Variants in ANAPC4 observed in about 807,000 individuals in gnomAD.
ANAPC4 encodes anaphase-promoting complex subunit 4.
Under a neutral mutation model 119.8 loss-of-function variants are expected in ANAPC4, and 63 were observed. The ratio of observed to expected loss-of-function variants is 0.53; its 90% CI spans 0.43 to 0.65. The LOEUF is 0.65. ANAPC4 is among the 30% of genes least tolerant of loss of function. The probability of loss-of-function intolerance (pLI) is 0.00; values close to 1 mark genes in which losing one functional copy is unlikely to be tolerated. For synonymous variants in ANAPC4, 283 were observed against 318.6 expected, an observed-to-expected ratio of 0.89 and a Z score of 1.19; for missense variants, 716 against 945.1, an observed-to-expected ratio of 0.76 and a Z score of 3.18.
chr4:25,400,124 TGAG>T (rs925369669), intron 16 of ANAPC4, among the ~76,000 whole-genome samples: 2 of 152,158 alleles, frequency 1.3e-5, no homozygotes, highest in South Asian at 2.1e-4. Flanking sequence ...TATAGCCTCT[TGAG>T]GAGTTTTGCT....
chr4:25,389,515 A>T (rs1395909526), intron 7 of ANAPC4, among the ~76,000 whole-genome samples: 1 of 151,044 alleles, frequency 6.6e-6, no homozygotes, highest in African/African-American at 2.4e-5. Flanking sequence ...CTGGTCTCAG[A>T]CTCCCAACCT....
rs1007004011 is a variant in ANAPC4, at chr4:25,394,924, A to G, written c.1061+19A>G. 6.3e-7 allele frequency: 1 copy of G among 1,594,534 alleles called. No homozygotes were observed. Among genetic ancestry groups the G allele is most frequent in the Non-Finnish European group, 8.6e-7 (1 of 1,166,826 alleles). ...TACAGAGGTATGAAGGTGACGTAGA[A>G]TTTTTTGGTATTGTATCCACACATA... On this transcript the variant is annotated intron_variant, in intron 14 of 28. Transcript: ENST00000315368.
intron 2 of ANAPC4, among the ~76,000 whole-genome samples, chr4:25,378,814 G>A (rs1288909080): frequency 2.0e-5 from 3 of 152,220 alleles, no homozygotes; most frequent in Non-Finnish European, 4.4e-5. Context: ...AAGGTTGTAT[G>A]TGTCTCTCTC....
At chr4:25,392,979 A>T (rs530779908) in intron 10 of ANAPC4, among the ~76,000 whole-genome samples, 1 of 152,232 alleles carries the variant, frequency 6.6e-6, no homozygotes, top group African/African-American at 2.4e-5. Flanking sequence ...GTGTACAAAG[A>T]CTTTTGAGGC....
chr4:25,393,774 T>A, intron 10 of ANAPC4, 31 bp from the exon 11 acceptor site: 1 of 1,437,606 alleles, frequency 7.0e-7, no homozygotes, highest in Non-Finnish European at 9.6e-7. Flanking sequence ...AAATATTTTT[T>A]ACCATTTCAA....
intron 4 of ANAPC4, among the ~76,000 whole-genome samples, chr4:25,384,799 C>CAAA (rs149002549): frequency 1.4e-5 from 2 of 141,466 alleles, no homozygotes; most frequent in Admixed American, 7.0e-5. Flanking sequence ...TGACCTGTCT[C>CAAA]AAAAAAAAAA....
At chr4:25,403,982 A>G (rs774509333) in intron 17 of ANAPC4, among the ~76,000 whole-genome samples, 6 of 152,202 alleles carry the variant, frequency 3.9e-5, no homozygotes, top group Non-Finnish European at 7.3e-5. Flanking sequence ...TGAACTCTCA[A>G]TATCCTTAAA....
chr4:25,390,246 TC>T, intron 8 of ANAPC4, 26 bp downstream of exon 8: 1 of 1,532,086 alleles, frequency 6.5e-7, no homozygotes, highest in African/African-American at 1.4e-5. Flanking sequence ...CATTTTCTCT[TC>T]CTAAATTATT....
intron 16 of ANAPC4, among the ~76,000 whole-genome samples, chr4:25,399,084 A>T (rs567621887): frequency 6.6e-6 from 1 of 151,126 alleles, no homozygotes; most frequent in African/African-American, 2.4e-5. Context: ...TAAAAATATT[A>T]TACTGTATTT....
At chr4:25,384,715 T>A (rs968403776) in intron 4 of ANAPC4, among the ~76,000 whole-genome samples, 1 of 151,150 alleles carries the variant, frequency 6.6e-6, no homozygotes, top group African/African-American at 2.4e-5. Context: ...GGTGGGAGGA[T>A]CACCTGACCC....
At position 25,388,567 on chromosome 4, in the gene ANAPC4, C is replaced by A; in HGVS notation, c.436C>A (p.Pro146Thr). 1 of 1,601,018 alleles carries A rather than the reference C, an allele frequency of 6.2e-7. No homozygotes were observed. The highest frequency in any genetic ancestry group is 8.6e-7 in the Non-Finnish European group (1 of 1,169,454). The part of the protein sequence containing the change: ...NLLLPKLPTL[P>T]KNYSNTSKIF... ...TCTCTTACCTAAACTACCTACACTG[C>A]CAAAAAAGTATGTATCACTGGTTTC... Residue 146 changes from proline to threonine, a missense_variant, in exon 5 of 29, where the codon CCA becomes ACA. Coordinates refer to ENST00000315368, the MANE Select transcript of ANAPC4 (RefSeq NM_013367.3).
intron 25 of ANAPC4, 36 bp from the exon 26 acceptor site, chr4:25,415,430 C>G (rs1157052391): frequency 6.5e-7 from 1 of 1,540,130 alleles, no homozygotes; most frequent in Non-Finnish European, 9.0e-7. Flanking sequence ...CAGGTTGTTC[C>G]ACAGAGTCTC....
intron 2 of ANAPC4, among the ~76,000 whole-genome samples, chr4:25,378,583 C>G (rs781030817): frequency 1.3e-5 from 2 of 152,074 alleles, no homozygotes; most frequent in African/African-American, 4.8e-5. Flanking sequence ...GATGGGTAGG[C>G]GTGATAGAGG....
chr4:25,407,145 A>C, intron 19 of ANAPC4, 52 bp from the exon 20 acceptor site: 16 of 1,476,866 alleles, frequency 1.1e-5, no homozygotes, highest in Non-Finnish European at 1.5e-5. Context: ...AATTTAAGAT[A>C]TTTTTCTTCG....
intron 27 of ANAPC4, chr4:25,417,276 C>A (rs180852534): frequency 6.3e-6 from 1 of 158,658 alleles, no homozygotes; most frequent in East Asian, 1.8e-4. Context: ...GCATGTGCCA[C>A]CTTGCCTGAC....
Position 25,406,830 on chromosome 4 carries a change from T to C in ANAPC4, c.1319T>C (p.Met440Thr). Residue 440 changes from methionine to threonine, a missense_variant and splice_region_variant, in exon 19 of 29, where the codon ATG (methionine) becomes ACG (threonine). This residue lies in a region of ANAPC4 where 504 missense variants were observed against 615.8 expected (regional missense o/e 0.82). Coordinates refer to ENST00000315368, the MANE Select transcript of ANAPC4 (RefSeq NM_013367.3). ...TCTTTTTGTTCCTTTTGTTGATAGA[T>C]GACTCAGAAAGATATCACATTTGTT... ...EDHVLPELNK[M>T]TQKDITFVAE... 1 of 1,599,300 alleles carries C rather than the reference T, an allele frequency of 6.3e-7. No individual in the cohort carries two copies. Among genetic ancestry groups the C allele is most frequent in the Non-Finnish European group, 8.5e-7 (1 of 1,173,626 alleles).
chr4:25,388,614 TTC>T (rs747652652), intron 5 of ANAPC4, 40 bp downstream of exon 5: 3 of 1,562,452 alleles, frequency 1.9e-6, no homozygotes, highest in South Asian at 2.3e-5. Context: ...TCTTGCAGAT[TTC>T]TCTTTCTTCT....
At chr4:25,417,569 G>A (rs761387257) in intron 27 of ANAPC4, 47 bp from the exon 28 acceptor site, 15 of 1,528,810 alleles carry the variant, frequency 9.8e-6, no homozygotes, top group South Asian at 1.3e-5. Context: ...AACTAGGGAG[G>A]ATAAGATCCC....
chr4:25,390,033 C>T, intron 7 of ANAPC4, 103 bp from the exon 8 acceptor site: 2 of 742,106 alleles, frequency 2.7e-6, no homozygotes, highest in Non-Finnish European at 4.5e-6. Flanking sequence ...GGAGCTTTAG[C>T]ATGTAGATTA....
Sources: allele counts gnomAD v4.1 joint callset (sites outside exome capture counted in the v4.1 genomes callset), GRCh38; gene constraint gnomAD v4.1.1; regional missense constraint gnomAD v4.1.1; transcripts MANE v1.5; gene names NCBI Gene and HGNC (gene_info 2026-07-23, HGNC 2026-07-21).